The following GPC3 variants were observed in gnomAD, a reference collection of about 807,000 sequenced individuals.
The protein encoded by GPC3 is glypican 3.
A neutral mutation model predicts 34.4 loss-of-function variants in GPC3; 3 were observed. The ratio of observed to expected loss-of-function variants is 0.09; its 90% CI spans 0.04 to 0.23. The LOEUF is 0.23. Among genes scored for constraint, GPC3 ranks in the 10% least tolerant of loss-of-function variants. The pLI, the probability that GPC3 is intolerant of heterozygous loss-of-function variation, is 1.00. For missense variants in GPC3, 351 were observed against 445.6 expected, an observed-to-expected ratio of 0.79 and a Z score of 1.91; for synonymous variants, 177 against 174.0, an observed-to-expected ratio of 1.02 and a Z score of -0.13.
intron 7 of GPC3, among the ~76,000 whole-genome samples, chrX:133,592,223 C>T (rs2069856776): frequency 9.3e-6 from 1 of 107,565 alleles, no homozygotes; most frequent in African/African-American, 3.4e-5. Flanking sequence ...GTGCTGCACC[C>T]GTTAACTGGT....
intron 3 of GPC3, among the ~76,000 whole-genome samples, chrX:133,720,053 AT>A (rs1045553378): frequency 1.1e-4 from 12 of 112,015 alleles, no homozygotes; most frequent in African/African-American, 3.9e-4. Context: ...AAATAAAAAA[AT>A]AATAGATGTT....
At position 133,558,295 on chromosome X, in the gene GPC3, C is replaced by CTT. The variant is rs11405813; in HGVS notation, c.1574-22004_1574-22003dup. Among the ~76,000 whole-genome samples, 349 of 94,588 alleles carry CTT rather than the reference C, an allele frequency of 3.7e-3. 3 individuals carry two copies. In the East Asian group the frequency reaches 0.052, roughly 14 times the overall value. 82.1% of individuals were successfully genotyped at this position (94,588 alleles called of 115,157 possible). On this transcript the variant is annotated intron_variant, in intron 7 of 7. Transcript: ENST00000370818. ...TAGGAGGCTCCCTTTTCAATTTGGGCTTTTTTTTTTTTTCTTTGTCTCATT... is the reference window on the plus strand; with the variant it reads ...TAGGAGGCTCCCTTTTCAATTTGGGCTTTTTTTTTTTTTTTCTTTGTCTCATT...
intron 6 of GPC3, among the ~76,000 whole-genome samples, chrX:133,610,823 C>T (rs765713610): frequency 7.1e-4 from 74 of 104,300 alleles, no homozygotes; most frequent in Non-Finnish European, 1.2e-3. Context: ...CAACACCTTA[C>T]AAGGGAATTA....
chrX:133,544,528 T>C (rs1235261978), intron 7 of GPC3, among the ~76,000 whole-genome samples: 1 of 111,252 alleles, frequency 9.0e-6, no homozygotes, highest in Non-Finnish European at 1.9e-5. Context: ...GGCCACCACT[T>C]ACTTACATAC....
chrX:133,944,078 G>C (rs963778595), intron 2 of GPC3, among the ~76,000 whole-genome samples: 2 of 109,668 alleles, frequency 1.8e-5, no homozygotes, highest in African/African-American at 6.8e-5. Flanking sequence ...TTTTGTGTGA[G>C]AGTGTATGTA....
chrX:133,859,777 A>G (rs763743949), intron 2 of GPC3, among the ~76,000 whole-genome samples: 1 of 112,090 alleles, frequency 8.9e-6, no homozygotes, highest in African/African-American at 3.2e-5. Context: ...TATGTGTGTT[A>G]GTCTGTTTGT....
intron 2 of GPC3, among the ~76,000 whole-genome samples, chrX:133,861,695 T>C (rs2075936981): frequency 9.0e-6 from 1 of 110,835 alleles, no homozygotes; most frequent in Non-Finnish European, 1.9e-5. Context: ...CTTGGTGCTG[T>C]CCTAGTTGAT....
chrX:133,983,564 TTTC>T (rs1243916209), intron 1 of GPC3, among the ~76,000 whole-genome samples: 2 of 111,879 alleles, frequency 1.8e-5, no homozygotes, highest in Non-Finnish European at 3.8e-5. Flanking sequence ...TTCTGGCCTT[TTTC>T]TTCTTTTGGG....
intron 2 of GPC3, among the ~76,000 whole-genome samples, chrX:133,927,077 C>G (rs1049965728): frequency 9.0e-5 from 10 of 111,052 alleles, no homozygotes; most frequent in African/African-American, 3.3e-4. Context: ...CCTGGAAACC[C>G]TAAGGGGTTC....
chrX:133,616,979 T>G (rs1225641459), intron 6 of GPC3, among the ~76,000 whole-genome samples: 1 of 111,603 alleles, frequency 9.0e-6, no homozygotes, highest in Admixed American at 9.5e-5. Flanking sequence ...ATTACAGGCG[T>G]GAGCCACCGC....
intron 2 of GPC3, among the ~76,000 whole-genome samples, chrX:133,905,454 G>A (rs963879140): frequency 8.9e-6 from 1 of 112,262 alleles, no homozygotes; most frequent in African/African-American, 3.2e-5. Flanking sequence ...TGTGGTGGAG[G>A]TGTAAGGAGC....
At chrX:133,927,588 C>G (rs769052734) in intron 2 of GPC3, among the ~76,000 whole-genome samples, 2 of 109,510 alleles carry the variant, frequency 1.8e-5, no homozygotes, top group Admixed American at 2.0e-4. Context: ...GGTAATCCTC[C>G]TGCTTCAGCC....
chrX:133,921,757 T>G (rs1240663870), intron 2 of GPC3, among the ~76,000 whole-genome samples: 1 of 112,363 alleles, frequency 8.9e-6, no homozygotes, highest in African/African-American at 3.2e-5. Flanking sequence ...AAATATGCTT[T>G]CTTTCTTCTT....
At chrX:133,908,930 C>T (rs1032083232) in intron 2 of GPC3, among the ~76,000 whole-genome samples, 2 of 111,940 alleles carry the variant, frequency 1.8e-5, no homozygotes, top group African/African-American at 6.5e-5. Flanking sequence ...CCTAGAGTTC[C>T]TACAAGTTGA....
intron 7 of GPC3, among the ~76,000 whole-genome samples, chrX:133,596,050 T>C (rs1345840688): frequency 1.8e-5 from 2 of 111,898 alleles, no homozygotes; most frequent in African/African-American, 3.3e-5. Context: ...AGGTTTGTTA[T>C]ATAGGTAAAC....
At chrX:133,850,074 C>T (rs2075865032) in intron 2 of GPC3, among the ~76,000 whole-genome samples, 1 of 110,872 alleles carries the variant, frequency 9.0e-6, no homozygotes, top group African/African-American at 3.3e-5. Flanking sequence ...CAATAACCTT[C>T]ACTTTAAGCC....
At chrX:133,732,335 G>C (rs1426140266) in intron 3 of GPC3, among the ~76,000 whole-genome samples, 1 of 111,568 alleles carries the variant, frequency 9.0e-6, no homozygotes, top group Non-Finnish European at 1.9e-5. Context: ...AGAGTAATAG[G>C]TGGAAATCAA....
At chrX:133,736,371 C>T (rs149887171) in intron 3 of GPC3, among the ~76,000 whole-genome samples, 1,193 of 111,882 alleles carry the variant, frequency 0.011, 11 homozygotes, top group Non-Finnish European at 0.016. Flanking sequence ...GATTCTACTG[C>T]TAGGTATATT....
intron 7 of GPC3, among the ~76,000 whole-genome samples, chrX:133,551,598 G>A (rs1002512810): frequency 9.0e-6 from 1 of 111,692 alleles, no homozygotes; most frequent in African/African-American, 3.3e-5. Context: ...TAGGCAAAGG[G>A]CAACGTTGGA....
Sources: allele counts gnomAD v4.1 joint callset (sites outside exome capture counted in the v4.1 genomes callset), GRCh38; gene constraint gnomAD v4.1.1; transcripts MANE v1.5; gene names NCBI Gene and HGNC (gene_info 2026-07-23, HGNC 2026-07-21).